The following SBNO2 variants were observed in gnomAD, a reference collection of about 807,000 sequenced individuals.
SBNO2 encodes the protein strawberry notch homolog 2.
SBNO2 carries 89 observed loss-of-function variants against 146.3 expected under a neutral mutation model. The ratio of observed to expected loss-of-function variants is 0.61; its 90% CI spans 0.51 to 0.73. SBNO2 has a LOEUF of 0.73. Ranked by LOEUF, SBNO2 falls within the 30% of genes least tolerant of loss-of-function variation. The pLI is 0.00. For missense variants in SBNO2, 2,092 were observed against 2,003.7 expected (o/e 1.04, Z -0.84); for synonymous variants, 1,147 against 892.6 (o/e 1.29, Z -5.08).
rs1442091060 is a variant in SBNO2 at position 1,136,790 on chromosome 19, G to C, written c.280-9025C>G. Among the ~76,000 whole-genome samples, 1 of 152,176 alleles carries C rather than the reference G, an allele frequency of 6.6e-6. No homozygotes were observed. Among genetic ancestry groups the C allele is most frequent in the Non-Finnish European group, 1.5e-5 (1 of 68,034 alleles). Reference sequence around the variant, plus strand: ...CTGCCTCCCTGCCTGAAAGCAGCCAGAGTTTGCAAAGCGCTTTTCTGAGCC... The same window carrying C: ...CTGCCTCCCTGCCTGAAAGCAGCCACAGTTTGCAAAGCGCTTTTCTGAGCC... On this transcript the variant is annotated intron_variant, in intron 4 of 31. Transcript: ENST00000361757. The surrounding 1 kb of genome is among the most constrained non-coding windows in gnomAD (Gnocchi z 4.2).
chr19:1,122,320 G>A (rs2079910647), intron 10 of SBNO2, 38 bp from the exon 11 acceptor site: 1 of 1,528,140 alleles, frequency 6.5e-7, no homozygotes. Flanking sequence ...TGGGGCCCCG[G>A]CTCAGCAGGC....
chr19:1,121,413 TG>T (rs1221117799), intron 11 of SBNO2, among the ~76,000 whole-genome samples: 1 of 152,234 alleles, frequency 6.6e-6, no homozygotes, highest in African/African-American at 2.4e-5. Flanking sequence ...CCAGTCTGAA[TG>T]TTCTGTGTCT....
Position 1,113,564 on chromosome 19 carries a change from G to C in SBNO2, c.2218C>G (p.Gln740Glu). ...PVNTLDELIDQLGGPQRVAEM... is the reference protein window; with the variant it reads ...PVNTLDELIDELGGPQRVAEM... Reference sequence around the variant, plus strand: ...GCCACCCGCTGGGGGCCGCCCAGCTGGTCGATGAGCTCGTCCAGGGTGTTG... The same window carrying C: ...GCCACCCGCTGGGGGCCGCCCAGCTCGTCGATGAGCTCGTCCAGGGTGTTG... The change falls in exon 19 of 32, where the codon CAG becomes GAG. Residue 740 changes from glutamine to glutamate, a missense_variant. Physicochemically the swap from Gln to Glu is conservative, Grantham distance 29. Transcript: ENST00000361757. The C allele has an allele frequency of 2.5e-6, 4 of 1,602,064 alleles. No homozygotes were observed. The highest frequency in any genetic ancestry group is 3.4e-6 in the Non-Finnish European group (4 of 1,175,486).
At chr19:1,131,939 C>G (rs757972428) in intron 4 of SBNO2, 1 of 494,222 alleles carries the variant, frequency 2.0e-6, no homozygotes, top group African/African-American at 2.0e-5. Flanking sequence ...ACGGACGGGG[C>G]GGGGTGGGGA....
At position 1,126,667 on chromosome 19, in the gene SBNO2, C is replaced by T. The variant is rs377010058; in HGVS notation, c.441+937G>A. Among the ~76,000 whole-genome samples, 44 of 152,326 alleles carry T rather than the reference C, an allele frequency of 2.9e-4. No homozygotes were observed. The highest frequency in any genetic ancestry group is 9.6e-4 in the African/African-American group (40 of 41,568). On this transcript the variant is annotated intron_variant, in intron 5 of 31. Transcript: ENST00000361757. The surrounding 1 kb of genome is among the most constrained non-coding windows in gnomAD (Gnocchi z 4.4). ...TGCCCGGGTTGCCCCTTCCTGAGGG[C>T]CCGGGAGAGCGGCCTATGGGTGTGA...
intron 2 of SBNO2, among the ~76,000 whole-genome samples, chr19:1,152,331 T>A (rs916899834): frequency 2.6e-5 from 4 of 152,298 alleles, no homozygotes; most frequent in Non-Finnish European, 5.9e-5. Context: ...CTGGGGAGAT[T>A]CCAGTTTCCT....
intron 1 of SBNO2, among the ~76,000 whole-genome samples, chr19:1,169,582 GC>G (rs2080458426): frequency 6.6e-6 from 1 of 152,194 alleles, no homozygotes; most frequent in South Asian, 2.1e-4. Context: ...TGGGCGAGGG[GC>G]CCCCGGGGGG....
In SBNO2 at chr19:1,158,153, C is replaced by G. The variant is rs2080310019; in HGVS notation, c.-126-3751G>C. On this transcript the variant is annotated intron_variant, in intron 1 of 31. Coordinates refer to ENST00000361757, the MANE Select transcript of SBNO2 (RefSeq NM_014963.3). This position sits in a 1 kb window ranked among gnomAD's most constrained non-coding sequence, Gnocchi z 9.9. ...GGTCTCACCCCACGCTGTGCAGCAA[C>G]AGCTCAGCCTCCTGATGTTCAGAAC... Among the ~76,000 whole-genome samples the G allele has an allele frequency of 6.6e-6, 1 of 152,178 alleles. No homozygotes were observed. Among genetic ancestry groups the G allele is most frequent in the Admixed American group, 6.5e-5 (1 of 15,274 alleles).
At chr19:1,143,007 G>A (rs2080155189) in intron 4 of SBNO2, among the ~76,000 whole-genome samples, 1 of 152,236 alleles carries the variant, frequency 6.6e-6, no homozygotes, top group South Asian at 2.1e-4. Context: ...ATGGCCTGTG[G>A]GGTTTTACAT....
rs940041232 is a variant in SBNO2, at chr19:1,157,940, C to T, written c.-126-3538G>A. 1.3e-5 allele frequency among the ~76,000 whole-genome samples: 2 copies of T among 149,084 alleles called. No homozygotes were observed. Among genetic ancestry groups the T allele is most frequent in the East Asian group, 2.0e-4 (1 of 5,080 alleles). On this transcript the variant is annotated intron_variant, in intron 1 of 31. Transcript: ENST00000361757. This position sits in a 1 kb window ranked among gnomAD's most constrained non-coding sequence, Gnocchi z 6.8. ...CCGCCTCCCAGCTCTCTCCTGAGTC[C>T]GGATAACTGTCCGCCTCCCAGCTCT...
intron 1 of SBNO2, among the ~76,000 whole-genome samples, chr19:1,163,123 ACT>A (rs1190500365): frequency 6.6e-6 from 1 of 152,136 alleles, no homozygotes; most frequent in African/African-American, 2.4e-5. Context: ...GTCCCTCCAG[ACT>A]CACATCTACC....
At chr19:1,172,778 G>GC (rs201804891) in intron 1 of SBNO2, among the ~76,000 whole-genome samples, 2,637 of 35,328 alleles carry the variant, frequency 0.075, 488 homozygotes, top group East Asian at 0.24. Flanking sequence ...CACTGCAACC[G>GC]CCCCCCCCGC....
rs1038059986 is a variant in SBNO2, at chr19:1,173,223, G to A, written c.-127+949C>T. ...TGGGAAGAGTGCCCTACGGGGGACA[G>A]GACCCACCAGGAGGCCTGCGCTTCC... On this transcript the variant is annotated intron_variant, in intron 1 of 31. Transcript: ENST00000361757. The surrounding 1 kb of genome is among the most constrained non-coding windows in gnomAD (Gnocchi z 4.7). Among the ~76,000 whole-genome samples the A allele has an allele frequency of 2.6e-5, 4 of 152,084 alleles. No individual in the cohort carries two copies. The highest frequency in any genetic ancestry group is 5.9e-5 in the Non-Finnish European group (4 of 68,002).
intron 11 of SBNO2, among the ~76,000 whole-genome samples, chr19:1,120,802 G>A (rs2079892290): frequency 6.6e-6 from 1 of 152,180 alleles, no homozygotes; most frequent in Admixed American, 6.5e-5. Context: ...CTGAGTAGCT[G>A]GGATTACAAG....
chr19:1,146,859 C>A (rs11671859), intron 4 of SBNO2, among the ~76,000 whole-genome samples: 30,170 of 148,672 alleles, frequency 0.2, 4,060 homozygotes, highest in Admixed American at 0.28. Flanking sequence ...GGAGCCTCCC[C>A]GCGACCCTGG....
chr19:1,152,654 C>G (rs1663416315), intron 2 of SBNO2, among the ~76,000 whole-genome samples: 1 of 152,106 alleles, frequency 6.6e-6, no homozygotes, highest in Non-Finnish European at 1.5e-5. Context: ...GTACCCTGGC[C>G]CCAGCTCAGA....
chr19:1,147,431 A>ACG lies in SBNO2; in HGVS notation c.168-12_168-11insCG, dbSNP rs778909029. 1,511 of 590,706 alleles carry ACG rather than the reference A, an allele frequency of 2.6e-3. 29 individuals are homozygous for ACG. The highest frequency in any genetic ancestry group is 0.016 in the African/African-American group (584 of 36,304). The allele number at this position is 590,706 out of a possible 1,614,324, so 36.6% of individuals were successfully genotyped here. On this transcript the variant is annotated splice_polypyrimidine_tract_variant and intron_variant, in intron 3 of 31. Transcript: ENST00000361757. Reference sequence around the variant, plus strand: ...GAGCTCATGAACGGGCTGGAGGGAGATGGGGGGGGGGGAGGTGAGATGGGG... The same window carrying ACG: ...GAGCTCATGAACGGGCTGGAGGGAGACGTGGGGGGGGGGGAGGTGAGATGGGG...
chr19:1,166,420 T>C (rs1003860079), intron 1 of SBNO2, among the ~76,000 whole-genome samples: 2 of 152,162 alleles, frequency 1.3e-5, no homozygotes, highest in Admixed American at 6.5e-5. Context: ...GACAGGGTGG[T>C]GCGGCTTTCT....
intron 5 of SBNO2, among the ~76,000 whole-genome samples, chr19:1,124,558 G>A (rs1457373765): frequency 2.6e-5 from 4 of 152,180 alleles, no homozygotes; most frequent in East Asian, 1.9e-4. Flanking sequence ...ACACAGGGTG[G>A]GTGGCCCAGG....
Sources: gnomAD v4.1 joint callset for allele counts (sites outside exome capture counted in the v4.1 genomes callset) on GRCh38, gnomAD v4.1.1 for gene constraint, Gnocchi (gnomAD v3.1) non-coding constraint, MANE v1.5 for transcripts, NCBI Gene and HGNC (gene_info 2026-07-23, HGNC 2026-07-21) for gene names.